The following ANO2 variants were observed in gnomAD, a reference collection of about 807,000 sequenced individuals.
ANO2 encodes anoctamin-2.
A neutral mutation model predicts 124.2 loss-of-function variants in ANO2; 101 were observed. That is an observed-to-expected ratio of 0.81 (90% CI 0.69 to 0.96). The LOEUF (loss-of-function observed/expected upper bound fraction) is 0.96. ANO2 is among the 40% of genes least tolerant of loss of function. The pLI is 0.00. For missense variants in ANO2, 1,293 were observed against 1,274.5 expected (o/e 1.01, Z -0.22); for synonymous variants, 486 against 482.5 (o/e 1.01, Z -0.09).
chr12:5,906,222 A>G (rs1202364701), intron 3 of ANO2, among the ~76,000 whole-genome samples: 1 of 152,076 alleles, frequency 6.6e-6, no homozygotes, highest in Non-Finnish European at 1.5e-5. Context: ...TGTCAACTCA[A>G]GCTCCTGGGC....
At position 5,636,649 on chromosome 12, in the gene ANO2, C is replaced by CACAT. The variant is rs56300704; in HGVS notation, c.1621-1303_1621-1302insATGT. 1.4e-5 allele frequency among the ~76,000 whole-genome samples: 2 copies of CACAT among 148,078 alleles called. No individual in the cohort carries two copies. The highest frequency in any genetic ancestry group is 3.0e-5 in the Non-Finnish European group (2 of 67,166). On this transcript the variant is annotated intron_variant, in intron 15 of 24. Transcript: ENST00000682330. This position sits in a 1 kb window ranked among gnomAD's most constrained non-coding sequence, Gnocchi z 4.6. ...ACACACACACACACACACACACACA[C>CACAT]GCATGCACAGGGAGGGAGGCAGGAA...
chr12:5,806,165 TTC>T, intron 8 of ANO2, 72 bp from the exon 9 acceptor site: 1 of 1,465,264 alleles, frequency 6.8e-7, no homozygotes, highest in Non-Finnish European at 9.4e-7. Context: ...AGAAAGGATT[TTC>T]TTTTTTATTT....
intron 14 of ANO2, 65 bp from the exon 15 acceptor site, chr12:5,647,866 A>G: frequency 9.2e-7 from 1 of 1,087,958 alleles, no homozygotes; most frequent in Non-Finnish European, 1.4e-6. Context: ...ATTTGCTCTC[A>G]TTTGCATATA....
At chr12:5,688,458 T>C (rs1948793543) in intron 14 of ANO2, among the ~76,000 whole-genome samples, 1 of 152,138 alleles carries the variant, frequency 6.6e-6, no homozygotes, top group Non-Finnish European at 1.5e-5. Flanking sequence ...TTTCTTCCAG[T>C]CAATCCTTAA....
rs531532992 is a variant in ANO2 at position 5,647,158 on chromosome 12, G to A, written c.1620+569C>T. ...AGGTCCTCTAGCTTCAGATACTGCT[G>A]TCTTGCCCATGCTGGCAACGAAGAA... On this transcript the variant is annotated intron_variant, in intron 15 of 24. Coordinates refer to ENST00000682330, the MANE Select transcript of ANO2 (RefSeq NM_001364791.2). Among the ~76,000 whole-genome samples the A allele has an allele frequency of 1.1e-3, 169 of 152,330 alleles. 1 individual carries two copies. Among genetic ancestry groups the A allele is most frequent in the Middle Eastern group, 6.8e-3 (2 of 294 alleles).
chr12:5,828,215 ACC>A (rs1954045337), intron 6 of ANO2, among the ~76,000 whole-genome samples: 2 of 152,012 alleles, frequency 1.3e-5, no homozygotes, highest in African/African-American at 2.4e-5. Context: ...ACGTCGGGGA[ACC>A]TCAGGGAAGG....
At chr12:5,584,131 AC>A (rs35425375) in intron 20 of ANO2, 1,839 of 133,080 alleles carry the variant, frequency 0.014, 1 homozygote, top group South Asian at 0.048. Context: ...TTTAATGAAC[AC>A]CCCCCCCCCG....
At chr12:5,710,878 T>C (rs1949786217) in intron 14 of ANO2, among the ~76,000 whole-genome samples, 1 of 152,264 alleles carries the variant, frequency 6.6e-6, no homozygotes, top group Non-Finnish European at 1.5e-5. Flanking sequence ...AATTGATCCC[T>C]GGGCCGGGCG....
intron 10 of ANO2, among the ~76,000 whole-genome samples, chr12:5,758,165 C>T (rs890906700): frequency 4.6e-5 from 7 of 152,192 alleles, no homozygotes; most frequent in Admixed American, 1.3e-4. Flanking sequence ...GTTGCACATA[C>T]AGCCGATGGT....
At position 5,744,332 on chromosome 12, in the gene ANO2, G is replaced by A; in HGVS notation, c.1191-15C>T. 4 of 1,613,728 alleles carry A rather than the reference G, an allele frequency of 2.5e-6. No individual in the cohort carries two copies. Among genetic ancestry groups the A allele is most frequent in the Non-Finnish European group, 3.4e-6 (4 of 1,179,696 alleles). On this transcript the variant is annotated splice_polypyrimidine_tract_variant and intron_variant, in intron 11 of 24. Transcript: ENST00000682330. Reference sequence around the variant, plus strand: ...ACATCTCTCTGCTGCAATAGATGGAGGTTGTTGGGTCAGGTGGAGCTCAAG... The same window carrying A: ...ACATCTCTCTGCTGCAATAGATGGAAGTTGTTGGGTCAGGTGGAGCTCAAG...
At chr12:5,932,807 T>C (rs577190332) in intron 1 of ANO2, among the ~76,000 whole-genome samples, 1 of 152,268 alleles carries the variant, frequency 6.6e-6, no homozygotes, top group African/African-American at 2.4e-5. Context: ...CATGAAAGTA[T>C]GAAGAAGGAT....
chr12:5,764,187 G>A (rs1383337123), intron 10 of ANO2, among the ~76,000 whole-genome samples: 1 of 152,100 alleles, frequency 6.6e-6, no homozygotes, highest in African/African-American at 2.4e-5. Flanking sequence ...ACATCTTTTC[G>A]AGATGAGACA....
At chr12:5,794,971 T>C (rs951362084) in intron 10 of ANO2, among the ~76,000 whole-genome samples, 3 of 152,206 alleles carry the variant, frequency 2.0e-5, no homozygotes, top group Non-Finnish European at 4.4e-5. Context: ...CCTGGCCTGC[T>C]GAGAAGCCTC....
At chr12:5,932,921 T>A (rs7398095) in intron 1 of ANO2, among the ~76,000 whole-genome samples, 1 of 151,956 alleles carries the variant, frequency 6.6e-6, no homozygotes, top group Non-Finnish European at 1.5e-5. Flanking sequence ...CATCTACCAA[T>A]GGGCAAAGGA....
At chr12:5,852,724 AGAAG>A (rs1416748261) in intron 4 of ANO2, among the ~76,000 whole-genome samples, 2 of 152,164 alleles carry the variant, frequency 1.3e-5, no homozygotes, top group African/African-American at 4.8e-5. Flanking sequence ...GTGGTGGTAC[AGAAG>A]GCAACAAATA....
intron 20 of ANO2, among the ~76,000 whole-genome samples, chr12:5,597,224 C>A (rs894137728): frequency 6.6e-6 from 1 of 152,090 alleles, no homozygotes; most frequent in Non-Finnish European, 1.5e-5. Context: ...CCCATTAGTT[C>A]TTTTTCCTGA....
intron 3 of ANO2, among the ~76,000 whole-genome samples, chr12:5,871,868 A>T (rs1418447387): frequency 6.6e-6 from 1 of 152,206 alleles, no homozygotes; most frequent in African/African-American, 2.4e-5. Flanking sequence ...CTCATAGCCC[A>T]GAAAGAGACC....
At chr12:5,942,101 T>A (rs763041322) in intron 1 of ANO2, among the ~76,000 whole-genome samples, 1 of 152,188 alleles carries the variant, frequency 6.6e-6, no homozygotes, top group African/African-American at 2.4e-5. Flanking sequence ...GTGCCGCGTA[T>A]CCCTTTCTTA....
chr12:5,915,812 C>A (rs1941346048), intron 3 of ANO2, among the ~76,000 whole-genome samples: 1 of 152,236 alleles, frequency 6.6e-6, no homozygotes, highest in South Asian at 2.1e-4. Context: ...TTAACACCAA[C>A]ATGGCATGGA....
Sources: allele counts gnomAD v4.1 joint callset (sites outside exome capture counted in the v4.1 genomes callset), GRCh38; gene constraint gnomAD v4.1.1; non-coding constraint Gnocchi (gnomAD v3.1); transcripts MANE v1.5; gene names NCBI Gene and HGNC (gene_info 2026-07-23, HGNC 2026-07-21).